GRIP1: variants seen among roughly 807,000 people sequenced by gnomAD.
GRIP1 encodes glutamate receptor interacting protein 1.
In GRIP1, 45 loss-of-function variants were observed where a neutral mutation model predicts 129.9. The ratio of observed to expected loss-of-function variants is 0.35; its 90% CI spans 0.27 to 0.44. The LOEUF is 0.44. Ranked by LOEUF, GRIP1 falls within the 20% of genes least tolerant of loss-of-function variation. The pLI is 1.00. For missense variants in GRIP1, 1,196 were observed against 1,396.8 expected, an observed-to-expected ratio of 0.86 and a Z score of 2.29; for synonymous variants, 530 against 520.8, an observed-to-expected ratio of 1.02 and a Z score of -0.24.
At chr12:66,888,622 A>G (rs1478189241) in intron 1 of GRIP1, among the ~76,000 whole-genome samples, 2 of 152,076 alleles carry the variant, frequency 1.3e-5, no homozygotes, top group Non-Finnish European at 2.9e-5. Context: ...CTCGGCCTCC[A>G]AAAGTGCTGG....
intron 7 of GRIP1, among the ~76,000 whole-genome samples, chr12:66,506,991 T>C (rs555029957): frequency 1.3e-5 from 2 of 152,378 alleles, no homozygotes; most frequent in South Asian, 4.1e-4. Flanking sequence ...ACTTCTTTTA[T>C]ATAGGGAAAC....
At chr12:66,636,653 A>G (rs2031403304) in intron 1 of GRIP1, among the ~76,000 whole-genome samples, 1 of 151,794 alleles carries the variant, frequency 6.6e-6, no homozygotes. Flanking sequence ...TGAGGTCTTA[A>G]GCATGAAGCC....
intron 5 of GRIP1, among the ~76,000 whole-genome samples, chr12:66,523,184 CA>C (rs1172891049): frequency 1.3e-5 from 2 of 151,204 alleles, no homozygotes; most frequent in Admixed American, 1.3e-4. Flanking sequence ...GAGAACACCA[CA>C]AAGATACTCC....
intron 1 of GRIP1, among the ~76,000 whole-genome samples, chr12:66,797,633 T>C (rs776729406): frequency 8.5e-5 from 13 of 152,134 alleles, no homozygotes; most frequent in Admixed American, 3.3e-4. Flanking sequence ...AACTAAAGAA[T>C]CATATTTTCC....
At chr12:66,493,545 T>C (rs35956471) in intron 7 of GRIP1, among the ~76,000 whole-genome samples, 1 of 152,144 alleles carries the variant, frequency 6.6e-6, no homozygotes, top group African/African-American at 2.4e-5. Context: ...CTGGAACATA[T>C]ACTACCACTA....
intron 1 of GRIP1, among the ~76,000 whole-genome samples, chr12:66,749,464 C>G (rs1175159598): frequency 6.6e-6 from 1 of 152,170 alleles, no homozygotes; most frequent in East Asian, 1.9e-4. Context: ...ACTGATGAGG[C>G]TATTTCTGTT....
intron 1 of GRIP1, among the ~76,000 whole-genome samples, chr12:66,752,575 T>C (rs892461098): frequency 1.3e-5 from 2 of 152,186 alleles, no homozygotes; most frequent in Non-Finnish European, 2.9e-5. Context: ...AGGCAATTGA[T>C]ATATGTGATT....
Position 66,351,556 on chromosome 12 carries a change from G to GTT in GRIP1, c.3159+1859_3159+1860dup, listed in dbSNP as rs72111092. Among the ~76,000 whole-genome samples the GTT allele has an allele frequency of 6.5e-4, 32 of 49,424 alleles. 1 individual carries two copies. The highest frequency in any genetic ancestry group is 1.7e-3 in the Admixed American group (9 of 5,170). The allele number at this position is 49,424 out of a possible 152,430, so 32.4% of individuals were successfully genotyped here. ...GTATATGCAGGGAAACAGGAAGGTGGTTTTTTTTTTTTTTTTTTTGGAAAC... is the reference window on the plus strand; with the variant it reads ...GTATATGCAGGGAAACAGGAAGGTGGTTTTTTTTTTTTTTTTTTTTTGGAAAC... On this transcript the variant is annotated intron_variant, in intron 24 of 24. Coordinates refer to ENST00000359742, the MANE Select transcript of GRIP1 (RefSeq NM_001366722.1).
chr12:66,553,663 GA>G (rs2062218522), intron 2 of GRIP1, among the ~76,000 whole-genome samples: 1 of 151,754 alleles, frequency 6.6e-6, no homozygotes, highest in African/African-American at 2.4e-5. Context: ...CCACTGACAA[GA>G]GTAGGAAAAA....
chr12:66,907,029 T>C (rs2040944971), intron 1 of GRIP1, among the ~76,000 whole-genome samples: 1 of 152,230 alleles, frequency 6.6e-6, no homozygotes, highest in Non-Finnish European at 1.5e-5. Context: ...TTTTCTACTA[T>C]GGTCCTTCTG....
At chr12:66,367,255 T>G (rs1213469403) in intron 23 of GRIP1, among the ~76,000 whole-genome samples, 3 of 151,372 alleles carry the variant, frequency 2.0e-5, no homozygotes, top group Admixed American at 1.3e-4. Flanking sequence ...ATAAGATGCA[T>G]AAGATGCAGA....
chr12:66,513,274 G>T (rs1260280960), intron 7 of GRIP1, among the ~76,000 whole-genome samples: 3 of 152,052 alleles, frequency 2.0e-5, no homozygotes, highest in Non-Finnish European at 4.4e-5. Flanking sequence ...TCTGTCTTCA[G>T]ATTGTTTCAA....
intron 1 of GRIP1, among the ~76,000 whole-genome samples, chr12:66,638,457 C>G (rs1232379891): frequency 6.6e-6 from 1 of 151,986 alleles, no homozygotes; most frequent in Non-Finnish European, 1.5e-5. Flanking sequence ...AAACCTAGTT[C>G]TTCTTAATCA....
intron 6 of GRIP1, among the ~76,000 whole-genome samples, chr12:66,516,397 C>T (rs2060845185): frequency 6.6e-6 from 1 of 152,010 alleles, no homozygotes; most frequent in South Asian, 2.1e-4. Context: ...CAGGGTGGCC[C>T]CCAGATAACA....
chr12:66,369,261 A>G (rs1252414963), intron 23 of GRIP1, among the ~76,000 whole-genome samples: 1 of 151,686 alleles, frequency 6.6e-6, no homozygotes. Flanking sequence ...ACTGCCACAC[A>G]GATGTTCCAA....
chr12:66,820,918 C>T (rs1443711684), intron 1 of GRIP1, among the ~76,000 whole-genome samples: 1 of 151,970 alleles, frequency 6.6e-6, no homozygotes, highest in Non-Finnish European at 1.5e-5. Flanking sequence ...CTGTGTGATA[C>T]CATAATGGTG....
chr12:66,824,478 G>A (rs1312215506), intron 1 of GRIP1, among the ~76,000 whole-genome samples: 1 of 151,998 alleles, frequency 6.6e-6, no homozygotes, highest in Non-Finnish European at 1.5e-5. Flanking sequence ...ATTTTACAGG[G>A]CTTTGGCAAC....
intron 14 of GRIP1, among the ~76,000 whole-genome samples, chr12:66,422,672 T>C (rs1030146962): frequency 6.6e-5 from 10 of 152,234 alleles, no homozygotes; most frequent in African/African-American, 2.4e-4. Flanking sequence ...TCTGTCATCC[T>C]TGAAAGAGAG....
At chr12:66,353,718 T>C (rs915368874) in intron 23 of GRIP1, among the ~76,000 whole-genome samples, 155 bp from the exon 24 acceptor site, 1 of 152,330 alleles carries the variant, frequency 6.6e-6, no homozygotes, top group East Asian at 1.9e-4. Flanking sequence ...GCAGCCTTTT[T>C]TTCCCACTCC....
Sources: gnomAD v4.1 joint callset for allele counts (sites outside exome capture counted in the v4.1 genomes callset) on GRCh38, gnomAD v4.1.1 for gene constraint, MANE v1.5 for transcripts, NCBI Gene and HGNC (gene_info 2026-07-23, HGNC 2026-07-21) for gene names.